Variants in SYNE1 observed in about 807,000 individuals in gnomAD.
SYNE1 encodes the protein nesprin-1.
SYNE1 carries 616 observed loss-of-function variants against 1,111.0 expected under a neutral mutation model. That is an observed-to-expected ratio of 0.55 (90% CI 0.52 to 0.59). SYNE1 has a LOEUF of 0.59. Among genes scored for constraint, SYNE1 ranks in the 20% least tolerant of loss-of-function variants. The pLI, the probability that SYNE1 is intolerant of heterozygous loss-of-function variation, is 0.00. For missense variants in SYNE1, 10,006 were observed against 10,417.0 expected, an observed-to-expected ratio of 0.96 and a Z score of 1.72; for synonymous variants, 3,855 against 3,825.8, an observed-to-expected ratio of 1.01 and a Z score of -0.28.
rs899176747 is a variant in SYNE1 at position 152,630,391 on chromosome 6, C to A, written c.-223-1837G>T. Among the ~76,000 whole-genome samples the A allele has an allele frequency of 2.0e-5, 3 of 152,252 alleles. No homozygotes were observed. In the South Asian group the frequency reaches 6.2e-4, roughly 32 times the overall value. ...TCAGTGGGTGACTCTCCAAGGGATT[C>A]TTCATGGAGAAATAATTACTTGTGG... is the stretch of plus-strand genomic sequence containing the variant. On this transcript the variant is annotated intron_variant, in intron 2 of 145. Transcript: ENST00000367255.
At position 152,387,204 on chromosome 6, in the gene SYNE1, A is replaced by T; in HGVS notation, c.8355T>A (p.Asp2785Glu). Residue 2785 changes from aspartate to glutamate, a missense_variant, in exon 54 of 146, where the codon GAT becomes GAA. Asp to Glu is a conservative substitution (Grantham distance 45, BLOSUM62 2). Transcript: ENST00000367255. ...TTAGACGGTGAAGGGCTCTCGTGTG[A>T]TCTTCTGCCTCAGACAGGATGGACT... ...HLQSILSEAE[D>E]HTRALHRLIA... The T allele has an allele frequency of 1.2e-6, 2 of 1,614,138 alleles. No individual in the cohort carries two copies. Among genetic ancestry groups the T allele is most frequent in the Non-Finnish European group, 1.7e-6 (2 of 1,180,014 alleles).
intron 89 of SYNE1, 87 bp downstream of exon 89, chr6:152,310,309 G>A (rs1462992161): frequency 4.5e-6 from 7 of 1,548,588 alleles, no homozygotes; most frequent in Non-Finnish European, 6.2e-6. Context: ...ATAAAACAGT[G>A]TTGAGTTTAG....
rs765010255 is a variant in SYNE1, at chr6:152,441,235, G to C, written c.4044C>G (p.Asn1348Lys). 1 of 1,610,978 alleles carries C rather than the reference G, an allele frequency of 6.2e-7. No homozygotes were observed. ...TLRKWERFETNKETVVRYLFQ... is the reference protein window; with the variant it reads ...TLRKWERFETKKETVVRYLFQ... ...AAAGGTATCTTACTACTGTTTCTTT[G>C]TTTGTTTCAAATCGCTCCCATTTTC... Residue 1348 changes from asparagine (N) to lysine (K), a missense_variant, in exon 32 of 146, where the codon AAC (asparagine) becomes AAG (lysine). Physicochemically the swap from Asn to Lys is moderately conservative, Grantham distance 94. Around this residue, in one of 7 missense-constraint regions of SYNE1, gnomAD observed 1,971 missense variants for 2,084.1 expected, o/e 0.95. Coordinates refer to ENST00000367255, the MANE Select transcript of SYNE1 (RefSeq NM_182961.4).
intron 74 of SYNE1, among the ~76,000 whole-genome samples, chr6:152,343,145 C>T (rs1040303897): frequency 3.2e-5 from 4 of 125,376 alleles, no homozygotes; most frequent in East Asian, 2.4e-4. Flanking sequence ...CTCTTTCTTT[C>T]GTTTTCTTTT....
At chr6:152,430,408 A>T in intron 35 of SYNE1, 74 bp downstream of exon 35, 1 of 1,353,246 alleles carries the variant, frequency 7.4e-7, no homozygotes, top group Non-Finnish European at 1.1e-6. Context: ...CACTATTTGT[A>T]AAGTATTTAT....
intron 42 of SYNE1, among the ~76,000 whole-genome samples, chr6:152,411,727 ACC>A (rs935214512): frequency 2.7e-5 from 4 of 149,564 alleles, no homozygotes; most frequent in Non-Finnish European, 1.5e-5. Context: ...ACACACACAC[ACC>A]CCCACACACA....
In SYNE1 at chr6:152,353,652, G is replaced by T. The variant is rs778129999; in HGVS notation, c.11019C>A (p.Ser3673Arg). The stretch of plus-strand genomic sequence containing the variant: ...GCTGGGTGGCCTGGCAACCCATTCT[G>T]CTGTTCACGTGGCTCTCGTCCAGTA... ...QEILDESHVN[S>R]RMGCQATQLT... The change falls in exon 68 of 146, where the codon AGC becomes AGA. Residue 3673 changes from serine (S) to arginine (R), a missense_variant. Physicochemically the swap from Ser to Arg is moderately radical, Grantham distance 110 (BLOSUM62 -1). This residue lies in a region of SYNE1 where 4,955 missense variants were observed against 5,017.2 expected (regional missense o/e 0.99). Coordinates refer to ENST00000367255, the MANE Select transcript of SYNE1 (RefSeq NM_182961.4). 4.3e-6 allele frequency: 7 copies of T among 1,614,072 alleles called. No homozygotes were observed.
chr6:152,472,760 TG>T, intron 14 of SYNE1: 2 of 631,330 alleles, frequency 3.2e-6, no homozygotes, highest in South Asian at 3.7e-5. Context: ...CTGGATATGT[TG>T]GTTTTTAAAA....
Position 152,330,001 on chromosome 6 carries a change from C to T in SYNE1, c.14684G>A (p.Arg4895His), listed in dbSNP as rs779012749. Residue 4895 changes from arginine to histidine, a missense_variant, in exon 78 of 146, where the codon CGC becomes CAC. Transcript: ENST00000367255. ...CACTCTCCTCAGCCAGTCCAGGGAG[C>T]GACTCATCTCAGTCTGGAAGTCTAT... is the stretch of plus-strand genomic sequence containing the variant. ...QSIDFQTEMS[R>H]SLDWLRRVKA... is the part of the protein sequence containing the mutation. 6.8e-6 allele frequency: 11 copies of T among 1,614,198 alleles called. No individual in the cohort carries two copies. Among genetic ancestry groups the T allele is most frequent in the South Asian group, 4.4e-5 (4 of 91,076 alleles).
intron 28 of SYNE1, among the ~76,000 whole-genome samples, chr6:152,448,060 A>C (rs1245362486): frequency 6.6e-6 from 1 of 152,206 alleles, no homozygotes; most frequent in Admixed American, 6.5e-5. Context: ...TGAAGAGTCT[A>C]CTTGTTGAAT....
intron 3 of SYNE1, among the ~76,000 whole-genome samples, chr6:152,611,549 G>A (rs1479391378): frequency 6.6e-6 from 1 of 152,060 alleles, no homozygotes; most frequent in Non-Finnish European, 1.5e-5. Context: ...ATAATAATGG[G>A]AGACTTTAAC....
At chr6:152,397,072 A>G (rs2097744127) in intron 49 of SYNE1, 92 bp from the exon 50 acceptor site, 1 of 1,340,712 alleles carries the variant, frequency 7.5e-7, no homozygotes, top group Non-Finnish European at 1.1e-6. Context: ...AACAGAGTCC[A>G]AAGGAAAATG....
Position 152,260,106 on chromosome 6 carries a change from C to T in SYNE1, c.18972+1926G>A, listed in dbSNP as rs976103301. 4.6e-5 allele frequency among the ~76,000 whole-genome samples: 7 copies of T among 152,184 alleles called. No homozygotes were observed. The East Asian group carries it at 5.8e-4, about 13-fold the overall frequency. Reference sequence around the variant, plus strand: ...CTCCAGGAGGTCTGCAGATGCCGGACGAATCACACAGGTGCTTTATGAATG... The same window carrying T: ...CTCCAGGAGGTCTGCAGATGCCGGATGAATCACACAGGTGCTTTATGAATG... On this transcript the variant is annotated intron_variant, in intron 101 of 145. Transcript: ENST00000367255.
intron 87 of SYNE1, 127 bp from the exon 88 acceptor site, chr6:152,311,000 C>G (rs569496613): frequency 3.3e-6 from 3 of 914,324 alleles, no homozygotes; most frequent in South Asian, 1.4e-5. Context: ...ACCTTCACCC[C>G]CCATGACCAC....
intron 3 of SYNE1, among the ~76,000 whole-genome samples, chr6:152,596,269 TG>T (rs67286541): frequency 0.081 from 5,740 of 70,702 alleles, 448 homozygotes; most frequent in African/African-American, 0.22. Flanking sequence ...TTTGTTTGTT[TG>T]TTTTTTTTTT....
chr6:152,369,001 G>T lies in SYNE1; in HGVS notation c.9778C>A (p.Gln3260Lys), dbSNP rs1466857610. ...FRHRVSQLSS[Q>K]YLALSNLTKE... ...GTTAAATTGCTTAGCGCTAGATACT[G>T]AGAAGACAGCTGCGACACTCTGTGC... The change falls in exon 61 of 146, where the codon CAG becomes AAG. Residue 3260 changes from glutamine to lysine, a missense_variant. Around this residue, in one of 7 missense-constraint regions of SYNE1, gnomAD observed 4,955 missense variants for 5,017.2 expected, o/e 0.99. Transcript: ENST00000367255. The T allele has an allele frequency of 6.2e-7, 1 of 1,614,170 alleles. No homozygotes were observed. Among genetic ancestry groups the T allele is most frequent in the Non-Finnish European group, 8.5e-7 (1 of 1,180,034 alleles).
chr6:152,346,666 C>T (rs1286380918), intron 73 of SYNE1, among the ~76,000 whole-genome samples: 5 of 151,706 alleles, frequency 3.3e-5, no homozygotes, highest in Admixed American at 6.6e-5. Context: ...AAAAATTAGC[C>T]AGGCGTGGTG....
chr6:152,179,491 A>T (rs1181673150), intron 129 of SYNE1: 3 of 140,794 alleles, frequency 2.1e-5, no homozygotes, highest in Non-Finnish European at 4.6e-5. Flanking sequence ...AAATACACAA[A>T]AAACAAAAAA....
chr6:152,131,149 A>G (rs1297394857), intron 144 of SYNE1, among the ~76,000 whole-genome samples: 9 of 152,172 alleles, frequency 5.9e-5, no homozygotes, highest in Non-Finnish European at 1.2e-4. Context: ...CTTTTAGAAT[A>G]GTAAAACAGT....
Sources: allele counts gnomAD v4.1 joint callset (sites outside exome capture counted in the v4.1 genomes callset), GRCh38; gene constraint gnomAD v4.1.1; regional missense constraint gnomAD v4.1.1; transcripts MANE v1.5; gene names NCBI Gene and HGNC (gene_info 2026-07-23, HGNC 2026-07-21).